The following PPP3CA variants were observed in gnomAD, a reference collection of about 807,000 sequenced individuals.
PPP3CA encodes protein phosphatase 3 catalytic subunit alpha, also known as CAM-PRP catalytic subunit.
In PPP3CA, 14 loss-of-function variants were observed where a neutral mutation model predicts 66.5. The observed-to-expected ratio is 0.21, with a 90% CI of 0.14 to 0.33. The LOEUF (loss-of-function observed/expected upper bound fraction) is 0.33. PPP3CA is among the 10% of genes least tolerant of loss of function. The probability of loss-of-function intolerance (pLI) is 1.00; values close to 1 mark genes in which losing one functional copy is unlikely to be tolerated. For synonymous variants in PPP3CA, 232 were observed against 226.2 expected, an observed-to-expected ratio of 1.03 and a Z score of -0.23; for missense variants, 317 against 639.5, an observed-to-expected ratio of 0.50 and a Z score of 5.44.
chr4:101,037,460 T>G (rs2037773), intron 11 of PPP3CA, among the ~76,000 whole-genome samples: 1 of 152,142 alleles, frequency 6.6e-6, no homozygotes, highest in Non-Finnish European at 1.5e-5. Flanking sequence ...TTGTACCACA[T>G]TCCACATTCA....
chr4:101,192,811 C>A (rs1056361211), intron 2 of PPP3CA, among the ~76,000 whole-genome samples: 4 of 152,292 alleles, frequency 2.6e-5, no homozygotes, highest in Admixed American at 6.5e-5. Flanking sequence ...GTAATTATCT[C>A]TTTATGTGTC....
chr4:101,311,828 C>T (rs2850369), intron 1 of PPP3CA, among the ~76,000 whole-genome samples: 66,811 of 151,958 alleles, frequency 0.44, 17,299 homozygotes, highest in African/African-American at 0.72. Context: ...AATTTTTCTG[C>T]TGGTAAAGCT....
chr4:101,158,827 A>G lies in PPP3CA; in HGVS notation c.259+37089T>C, dbSNP rs758285426. Among the ~76,000 whole-genome samples, 33 of 152,230 alleles carry G rather than the reference A, an allele frequency of 2.2e-4. 1 individual carries two copies. Among genetic ancestry groups the G allele is most frequent in the Non-Finnish European group, 3.5e-4 (24 of 68,042 alleles). ...TTGATGCAATGGCAAATAATAGTTAAAGCATTTTAATCAGCTAAAAGTTAA... is the reference window on the plus strand; with the variant it reads ...TTGATGCAATGGCAAATAATAGTTAGAGCATTTTAATCAGCTAAAAGTTAA... On this transcript the variant is annotated intron_variant, in intron 2 of 13. Coordinates refer to ENST00000394854, the MANE Select transcript of PPP3CA (RefSeq NM_000944.5).
chr4:101,303,715 G>C (rs1427939426), intron 1 of PPP3CA, among the ~76,000 whole-genome samples: 1 of 152,102 alleles, frequency 6.6e-6, no homozygotes, highest in Non-Finnish European at 1.5e-5. Flanking sequence ...AAGTGGGATA[G>C]GATCACTGAG....
rs61483846 is a variant in PPP3CA, at chr4:101,312,395, T to C, written c.58+34344A>G. ...TAAATTATGTAACATAAGACATATA[T>C]AGAAAGCTGGAACTTATTAAACATT... On this transcript the variant is annotated intron_variant, in intron 1 of 13. Coordinates refer to ENST00000394854, the MANE Select transcript of PPP3CA (RefSeq NM_000944.5). Among the ~76,000 whole-genome samples, 901 of 152,100 alleles carry C rather than the reference T, an allele frequency of 5.9e-3. 9 individuals are homozygous for C. The highest frequency in any genetic ancestry group is 0.02 in the African/African-American group (813 of 41,558).
At chr4:101,310,276 A>C (rs1017452932) in intron 1 of PPP3CA, among the ~76,000 whole-genome samples, 17 of 152,242 alleles carry the variant, frequency 1.1e-4, no homozygotes, top group Non-Finnish European at 1.9e-4. Context: ...GTTATGTTCT[A>C]TCTTAATATT....
At chr4:101,165,809 A>G (rs1723676652) in intron 2 of PPP3CA, among the ~76,000 whole-genome samples, 1 of 152,164 alleles carries the variant, frequency 6.6e-6, no homozygotes, top group African/African-American at 2.4e-5. Flanking sequence ...GTTGGTAGTG[A>G]CATCCAGGCC....
intron 1 of PPP3CA, among the ~76,000 whole-genome samples, chr4:101,229,903 G>A (rs1725905904): frequency 6.6e-6 from 1 of 151,500 alleles, no homozygotes; most frequent in Non-Finnish European, 1.5e-5. Context: ...ATTGGGAAAG[G>A]ATAGAAGAAA....
chr4:101,167,163 G>A (rs1039027334), intron 2 of PPP3CA, among the ~76,000 whole-genome samples: 3 of 152,168 alleles, frequency 2.0e-5, no homozygotes, highest in African/African-American at 7.2e-5. Flanking sequence ...TAACTCTCTA[G>A]GCTCTGTAAA....
At chr4:101,027,448 T>C (rs1726711313) in intron 13 of PPP3CA, among the ~76,000 whole-genome samples, 2 of 152,154 alleles carry the variant, frequency 1.3e-5, no homozygotes, top group Admixed American at 6.5e-5. Flanking sequence ...TAATGGTGAT[T>C]AGTCAACTGT....
chr4:101,190,934 T>C (rs746801894), intron 2 of PPP3CA, among the ~76,000 whole-genome samples: 15 of 152,190 alleles, frequency 9.9e-5, no homozygotes, highest in South Asian at 2.1e-4. Flanking sequence ...CAGGAAAACA[T>C]TGTAGTCACG....
chr4:101,332,318 A>G (rs1430649710), intron 1 of PPP3CA, among the ~76,000 whole-genome samples: 2 of 152,228 alleles, frequency 1.3e-5, no homozygotes, highest in Non-Finnish European at 2.9e-5. Flanking sequence ...GCCTAGAGAA[A>G]GGTATAAAGG....
At chr4:101,230,312 A>T (rs1279722779) in intron 1 of PPP3CA, among the ~76,000 whole-genome samples, 1 of 151,504 alleles carries the variant, frequency 6.6e-6, no homozygotes, top group Non-Finnish European at 1.5e-5. Context: ...CTTGAATTAC[A>T]TTTTTCACAG....
chr4:101,208,248 C>A (rs887592100), intron 1 of PPP3CA, among the ~76,000 whole-genome samples: 1 of 152,098 alleles, frequency 6.6e-6, no homozygotes, highest in Non-Finnish European at 1.5e-5. Context: ...CACACACACA[C>A]AATCAGATGA....
intron 3 of PPP3CA, among the ~76,000 whole-genome samples, chr4:101,101,653 G>C (rs1255383389): frequency 2.6e-5 from 4 of 151,880 alleles, no homozygotes; most frequent in Non-Finnish European, 5.9e-5. Flanking sequence ...TTCTTTAAGA[G>C]AGGTATAATA....
chr4:101,101,036 G>A (rs150317209), intron 3 of PPP3CA, among the ~76,000 whole-genome samples: 1,817 of 152,208 alleles, frequency 0.012, 19 homozygotes, highest in Middle Eastern at 0.041. Context: ...GTTCAAGCAA[G>A]ATATTATCTC....
chr4:101,068,935 T>C (rs1237557587), intron 8 of PPP3CA, among the ~76,000 whole-genome samples: 1 of 152,206 alleles, frequency 6.6e-6, no homozygotes, highest in Non-Finnish European at 1.5e-5. Context: ...AATTTGACCA[T>C]GATATTCTTC....
intron 2 of PPP3CA, among the ~76,000 whole-genome samples, chr4:101,117,667 C>T (rs1158201245): frequency 6.6e-6 from 1 of 151,418 alleles, no homozygotes; most frequent in Non-Finnish European, 1.5e-5. Flanking sequence ...TATATAATTA[C>T]AATATACAAT....
chr4:101,192,154 C>A (rs770379904), intron 2 of PPP3CA, among the ~76,000 whole-genome samples: 1 of 152,158 alleles, frequency 6.6e-6, no homozygotes, highest in Non-Finnish European at 1.5e-5. Flanking sequence ...TTACTGTTTT[C>A]AAGAAGACTT....
Sources: allele counts gnomAD v4.1 joint callset (sites outside exome capture counted in the v4.1 genomes callset), GRCh38; gene constraint gnomAD v4.1.1; transcripts MANE v1.5; gene names NCBI Gene and HGNC (gene_info 2026-07-23, HGNC 2026-07-21).